Variants in CDH4 observed in about 807,000 individuals in gnomAD.
CDH4 encodes the protein cadherin 4, also known as cadherin-4.
Under a neutral mutation model 86.0 loss-of-function variants are expected in CDH4, and 33 were observed. The observed-to-expected ratio is 0.38, with a 90% CI of 0.29 to 0.51. The LOEUF (loss-of-function observed/expected upper bound fraction) is 0.51. Among genes scored for constraint, CDH4 ranks in the 20% least tolerant of loss-of-function variants. CDH4 has a pLI of 0.86. For missense variants in CDH4, 1,114 were observed against 1,307.4 expected (o/e 0.85, Z 2.28); for synonymous variants, 555 against 549.4 (o/e 1.01, Z -0.14).
At chr20:61,730,202 C>T (rs114016076) in intron 2 of CDH4, among the ~76,000 whole-genome samples, 4,193 of 152,174 alleles carry the variant, frequency 0.028, 74 homozygotes, top group African/African-American at 0.043. Flanking sequence ...CTTGGTGTGG[C>T]GGATTCGTGG....
chr20:61,359,734 C>A (rs2084773750), intron 2 of CDH4, among the ~76,000 whole-genome samples: 1 of 152,188 alleles, frequency 6.6e-6, no homozygotes, highest in South Asian at 2.1e-4. Context: ...CAAACTGCTC[C>A]CATCCAAGTC....
chr20:61,508,677 A>C (rs1166785245), intron 2 of CDH4, among the ~76,000 whole-genome samples: 1 of 152,260 alleles, frequency 6.6e-6, no homozygotes, highest in Non-Finnish European at 1.5e-5. Context: ...GGCTGGCCTC[A>C]GGACAGGCAG....
intron 2 of CDH4, among the ~76,000 whole-genome samples, chr20:61,573,329 C>T (rs114800587): frequency 0.03 from 4,502 of 152,280 alleles, 215 homozygotes; most frequent in African/African-American, 0.093. Context: ...TGGTGGATGC[C>T]CATGGCTCTT....
intron 2 of CDH4, among the ~76,000 whole-genome samples, chr20:61,347,496 C>T (rs1053662126): frequency 3.3e-5 from 5 of 152,192 alleles, no homozygotes; most frequent in Non-Finnish European, 7.3e-5. Context: ...ATGCTTCCTG[C>T]GGTGACTAAA....
At chr20:61,615,974 G>T (rs1475914531) in intron 2 of CDH4, among the ~76,000 whole-genome samples, 2 of 152,326 alleles carry the variant, frequency 1.3e-5, no homozygotes, top group Admixed American at 1.3e-4. Flanking sequence ...GCGGGCCCCC[G>T]TGAAGGCCAC....
intron 2 of CDH4, among the ~76,000 whole-genome samples, chr20:61,701,640 TG>T (rs1003214716): frequency 6.6e-5 from 10 of 152,170 alleles, no homozygotes; most frequent in African/African-American, 2.4e-4. Context: ...GGGGGTGGAT[TG>T]CAAACCAAAG....
At chr20:61,653,099 G>C (rs1426885835) in intron 2 of CDH4, among the ~76,000 whole-genome samples, 3 of 126,990 alleles carry the variant, frequency 2.4e-5, no homozygotes, top group Non-Finnish European at 5.3e-5. Flanking sequence ...CGCAGTGTTT[G>C]TGTCCCTGGG....
rs1314663965 is a variant in CDH4, at chr20:61,879,159, T to C, written c.1050+5259T>C. ...GTGTAGACGCCAAGCGAGCACCAGTTCAGCTCCCCCGGGACCCGGCCTTCA... is the reference window on the plus strand; with the variant it reads ...GTGTAGACGCCAAGCGAGCACCAGTCCAGCTCCCCCGGGACCCGGCCTTCA... On this transcript the variant is annotated intron_variant, in intron 7 of 15. Coordinates refer to ENST00000614565, the MANE Select transcript of CDH4 (RefSeq NM_001794.5). The surrounding 1 kb of genome is among the most constrained non-coding windows in gnomAD (Gnocchi z 4.1). Among the ~76,000 whole-genome samples the C allele has an allele frequency of 6.6e-6, 1 of 152,080 alleles. No individual in the cohort carries two copies. Among genetic ancestry groups the C allele is most frequent in the Non-Finnish European group, 1.5e-5 (1 of 68,020 alleles).
At chr20:61,662,879 G>A (rs1429252868) in intron 2 of CDH4, among the ~76,000 whole-genome samples, 1 of 150,966 alleles carries the variant, frequency 6.6e-6, no homozygotes, top group Non-Finnish European at 1.5e-5. Flanking sequence ...AGCCGGTGGT[G>A]CAGGCCCAGG....
chr20:61,851,806 C>G (rs775479464), intron 5 of CDH4, among the ~76,000 whole-genome samples: 1 of 152,186 alleles, frequency 6.6e-6, no homozygotes, highest in South Asian at 2.1e-4. Flanking sequence ...GAGAGGCCTC[C>G]CTGGCGGCCA....
chr20:61,354,943 C>T (rs570017989), intron 2 of CDH4, among the ~76,000 whole-genome samples: 3 of 152,344 alleles, frequency 2.0e-5, no homozygotes, highest in Admixed American at 1.3e-4. Flanking sequence ...AATTAGGCAT[C>T]ACCGGCCACA....
At chr20:61,362,619 G>A (rs2084790151) in intron 2 of CDH4, among the ~76,000 whole-genome samples, 1 of 152,134 alleles carries the variant, frequency 6.6e-6, no homozygotes, top group Non-Finnish European at 1.5e-5. Flanking sequence ...GTGAAGGGAA[G>A]TGGTGAGATT....
chr20:61,613,627 G>T (rs909086683), intron 2 of CDH4, among the ~76,000 whole-genome samples: 8 of 150,308 alleles, frequency 5.3e-5, no homozygotes, highest in African/African-American at 2.0e-4. Context: ...TAGTGAACTG[G>T]ATACCTAAAC....
intron 2 of CDH4, among the ~76,000 whole-genome samples, chr20:61,531,096 A>G (rs982161055): frequency 6.8e-6 from 1 of 146,646 alleles, no homozygotes; most frequent in African/African-American, 2.5e-5. Context: ...CAGGCACCAG[A>G]GGGAGACCTT....
intron 2 of CDH4, among the ~76,000 whole-genome samples, chr20:61,459,262 A>G (rs990369689): frequency 1.3e-5 from 2 of 151,964 alleles, no homozygotes; most frequent in African/African-American, 4.8e-5. Flanking sequence ...ATGCTGGTCA[A>G]ACACAAAGTT....
At chr20:61,689,804 G>A in intron 2 of CDH4, among the ~76,000 whole-genome samples, 1 of 143,674 alleles carries the variant, frequency 7.0e-6, no homozygotes, top group African/African-American at 2.7e-5. Context: ...GAATAGGGCT[G>A]GGACAGTGGT....
intron 2 of CDH4, among the ~76,000 whole-genome samples, chr20:61,286,605 A>G (rs576872740): frequency 5.9e-5 from 9 of 152,372 alleles, no homozygotes; most frequent in African/African-American, 1.9e-4. Flanking sequence ...GCAAGTAAAC[A>G]TATGACAGCG....
chr20:61,613,979 C>T (rs553210043), intron 2 of CDH4, among the ~76,000 whole-genome samples: 3 of 152,178 alleles, frequency 2.0e-5, no homozygotes, highest in Non-Finnish European at 4.4e-5. Context: ...GTGACTAAGT[C>T]TCTGGTGCAG....
intron 3 of CDH4, among the ~76,000 whole-genome samples, chr20:61,757,347 T>C (rs918046723): frequency 4.6e-5 from 7 of 152,160 alleles, no homozygotes; most frequent in African/African-American, 1.2e-4. Context: ...TAACTCTTCA[T>C]GGGTGCGAAG....
Sources: gnomAD v4.1 joint callset for allele counts (sites outside exome capture counted in the v4.1 genomes callset) on GRCh38, gnomAD v4.1.1 for gene constraint, Gnocchi (gnomAD v3.1) non-coding constraint, MANE v1.5 for transcripts, NCBI Gene and HGNC (gene_info 2026-07-23, HGNC 2026-07-21) for gene names.